The following ADGRL3 variants were observed in gnomAD, a reference collection of about 807,000 sequenced individuals.
ADGRL3 encodes calcium-independent alpha-latrotoxin receptor 3.
A neutral mutation model predicts 153.5 loss-of-function variants in ADGRL3; 62 were observed. The observed-to-expected ratio is 0.40, with a 90% confidence interval of 0.33 to 0.50. ADGRL3 has a LOEUF of 0.50. Ranked by LOEUF, ADGRL3 falls within the 20% of genes least tolerant of loss-of-function variation. The pLI is 0.47. For missense variants in ADGRL3, 1,641 were observed against 1,859.4 expected (o/e 0.88, Z 2.16); for synonymous variants, 710 against 672.5 (o/e 1.06, Z -0.86).
At chr4:61,857,635 TTCTG>T (rs1396652459) in intron 9 of ADGRL3, among the ~76,000 whole-genome samples, 2 of 151,068 alleles carry the variant, frequency 1.3e-5, no homozygotes, top group African/African-American at 4.9e-5. Context: ...TTTTTTTCTT[TTCTG>T]TCTTTTTCCT....
At chr4:61,249,966 T>A (rs1163058941) in intron 1 of ADGRL3, among the ~76,000 whole-genome samples, 1 of 152,180 alleles carries the variant, frequency 6.6e-6, no homozygotes, top group Non-Finnish European at 1.5e-5. Flanking sequence ...CTCAAGGCTT[T>A]ATGGACTCTT....
chr4:61,260,800 G>A (rs577315450), intron 1 of ADGRL3, among the ~76,000 whole-genome samples: 4 of 152,012 alleles, frequency 2.6e-5, no homozygotes, highest in South Asian at 2.1e-4. Flanking sequence ...ATCTCAGCCC[G>A]CTGCAATCTC....
chr4:61,497,071 G>T, intron 2 of ADGRL3, 50 bp from the exon 3 acceptor site: 1 of 513,858 alleles, frequency 1.9e-6, no homozygotes. Context: ...AATGTCTTTG[G>T]ATTACTTACT....
intron 4 of ADGRL3, among the ~76,000 whole-genome samples, chr4:61,557,689 C>T (rs1192457766): frequency 1.3e-5 from 2 of 152,060 alleles, no homozygotes; most frequent in African/African-American, 4.8e-5. Context: ...TAAGAGCACT[C>T]AAACACTAAC....
intron 4 of ADGRL3, among the ~76,000 whole-genome samples, chr4:61,526,382 G>T (rs2098558704): frequency 6.6e-6 from 1 of 151,910 alleles, no homozygotes; most frequent in Non-Finnish European, 1.5e-5. Flanking sequence ...TAGTGATTTT[G>T]CTCCATTTTG....
intron 3 of ADGRL3, among the ~76,000 whole-genome samples, chr4:61,515,028 G>A (rs540708529): frequency 3.2e-4 from 48 of 151,960 alleles, no homozygotes; most frequent in Admixed American, 5.9e-4. Flanking sequence ...CTATTCCCAC[G>A]TCCCTGTCCT....
intron 1 of ADGRL3, among the ~76,000 whole-genome samples, chr4:61,261,594 C>T (rs1560397561): frequency 1.3e-5 from 2 of 152,062 alleles, no homozygotes; most frequent in African/African-American, 2.4e-5. Flanking sequence ...ATATTTTTCC[C>T]ATGGAATTTG....
intron 1 of ADGRL3, among the ~76,000 whole-genome samples, chr4:61,205,175 T>G (rs2148742526): frequency 6.6e-6 from 1 of 152,290 alleles, no homozygotes; most frequent in South Asian, 2.1e-4. Context: ...GTTAGTCAAA[T>G]AATATGATGC....
At chr4:61,346,065 T>C (rs2095896983) in intron 1 of ADGRL3, among the ~76,000 whole-genome samples, 1 of 152,112 alleles carries the variant, frequency 6.6e-6, no homozygotes, top group Non-Finnish European at 1.5e-5. Context: ...AATTAATAGC[T>C]GAAATAGATA....
At chr4:61,650,205 A>T (rs2150368847) in intron 5 of ADGRL3, among the ~76,000 whole-genome samples, 1 of 152,310 alleles carries the variant, frequency 6.6e-6, no homozygotes. Context: ...TAAATTTATT[A>T]AGCAGGATAA....
chr4:61,356,329 T>C (rs1200024248), intron 1 of ADGRL3, among the ~76,000 whole-genome samples: 1 of 152,026 alleles, frequency 6.6e-6, no homozygotes, highest in Non-Finnish European at 1.5e-5. Flanking sequence ...TTCTACAGAA[T>C]ACTTAAGGCT....
chr4:62,020,806 C>T (rs763631072), intron 21 of ADGRL3, among the ~76,000 whole-genome samples: 49 of 151,980 alleles, frequency 3.2e-4, no homozygotes, highest in Non-Finnish European at 6.3e-4. Context: ...GACTTTTCAT[C>T]ACTAAGGATA....
At chr4:61,564,175 C>CT (rs967777350) in intron 4 of ADGRL3, among the ~76,000 whole-genome samples, 7 of 148,446 alleles carry the variant, frequency 4.7e-5, no homozygotes, top group African/African-American at 7.4e-5. Context: ...GCTGTTTTGA[C>CT]TTTTTTTTTT....
intron 13 of ADGRL3, among the ~76,000 whole-genome samples, chr4:61,926,025 A>G (rs890040768): frequency 2.6e-5 from 4 of 152,208 alleles, no homozygotes; most frequent in African/African-American, 9.6e-5. Context: ...GCTACATGGT[A>G]TAGCCTACTG....
intron 8 of ADGRL3, among the ~76,000 whole-genome samples, chr4:61,753,312 A>T (rs935206141): frequency 1.3e-5 from 2 of 152,084 alleles, no homozygotes; most frequent in African/African-American, 4.8e-5. Flanking sequence ...GAAGGCAGTC[A>T]CTCAGGATTT....
At chr4:61,214,661 T>A (rs570232638) in intron 1 of ADGRL3, among the ~76,000 whole-genome samples, 1 of 152,168 alleles carries the variant, frequency 6.6e-6, no homozygotes, top group Non-Finnish European at 1.5e-5. Context: ...ACAGGCTGGA[T>A]GCTGTGGCTC....
rs553337572 is a variant in ADGRL3 at position 61,980,696 on chromosome 4, C to G, written c.3015+924C>G. Among the ~76,000 whole-genome samples the G allele has an allele frequency of 1.1e-4, 17 of 152,280 alleles. No individual in the cohort carries two copies. The South Asian group carries it at 3.5e-3, about 32-fold the overall frequency. On this transcript the variant is annotated intron_variant, in intron 18 of 26. Transcript: ENST00000683033. The stretch of plus-strand genomic sequence containing the variant: ...ATTCAATCGATCCACCCGCCTCAGC[C>G]TCCCAAAGTGCTGGGATTACAGGTG...
chr4:61,756,758 GT>G (rs1384947549), intron 8 of ADGRL3, among the ~76,000 whole-genome samples: 2 of 152,120 alleles, frequency 1.3e-5, no homozygotes, highest in Admixed American at 6.6e-5. Flanking sequence ...CTGTGGGTTT[GT>G]CATAGATAGC....
chr4:61,302,262 TG>T, intron 1 of ADGRL3, among the ~76,000 whole-genome samples: 1 of 151,298 alleles, frequency 6.6e-6, no homozygotes, highest in East Asian at 1.9e-4. Flanking sequence ...AGGAGAGAGG[TG>T]GGGGAACAAT....
Sources: gnomAD v4.1 joint callset for allele counts (sites outside exome capture counted in the v4.1 genomes callset) on GRCh38, gnomAD v4.1.1 for gene constraint, MANE v1.5 for transcripts, NCBI Gene and HGNC (gene_info 2026-07-23, HGNC 2026-07-21) for gene names.